ZFP30: variants seen among roughly 807,000 people sequenced by gnomAD.
ZFP30 encodes zinc finger protein 30 homolog.
Under a neutral mutation model 12.3 loss-of-function variants are expected in ZFP30, and 16 were observed. The observed-to-expected ratio is 1.30, with a 90% CI of 0.88 to 1.98. The LOEUF (loss-of-function observed/expected upper bound fraction) is 1.98. Among genes scored for constraint, ZFP30 ranks in the 30% most tolerant of loss-of-function variants. The pLI is 0.00. For synonymous variants in ZFP30, 172 were observed against 201.0 expected, an observed-to-expected ratio of 0.86 and a Z score of 1.22; for missense variants, 560 against 611.2, an observed-to-expected ratio of 0.92 and a Z score of 0.88.
At position 37,647,853 on chromosome 19, in the gene ZFP30, T is replaced by C. The variant is rs1599629206; in HGVS notation, c.-31A>G. The C allele has an allele frequency of 1.9e-6, 3 of 1,613,986 alleles. No homozygotes were observed. Among genetic ancestry groups the C allele is most frequent in the Non-Finnish European group, 2.5e-6 (3 of 1,179,888 alleles). On this transcript the variant is annotated 5_prime_UTR_variant, in exon 3 of 6. Coordinates refer to ENST00000684514, the MANE Select transcript of ZFP30 (RefSeq NM_001320669.3). ...TAGAACTGCTAGAACTGGTCAATTT[T>C]CCTCAAGGTTCATGTACTTCAGAAG...
intron 5 of ZFP30, among the ~76,000 whole-genome samples, chr19:37,636,954 G>A (rs908611631): frequency 3.3e-5 from 5 of 151,622 alleles, no homozygotes; most frequent in East Asian, 2.0e-4. Context: ...CAAGTGATCC[G>A]CCTGCCTCGG....
Position 37,635,805 on chromosome 19 carries a change from CT to C in ZFP30, c.735del (p.Glu246AsnfsTer46). On this transcript the variant is annotated frameshift_variant, in exon 6 of 6. Coordinates refer to ENST00000684514, the MANE Select transcript of ZFP30 (RefSeq NM_001320669.3). LOFTEE classifies it low-confidence loss of function (END_TRUNC). ...CTAACTCTAAAGGCTTTCCCACATT[CT>C]TTACATTCATACGGCTTCTCACCAA... ...IHIGEKPYEC[K>X]ECGKAFRVRG... is the part of the protein sequence containing the mutation. The C allele has an allele frequency of 6.2e-7, 1 of 1,614,194 alleles. No homozygotes were observed. The highest frequency in any genetic ancestry group is 1.3e-5 in the African/African-American group (1 of 75,040).
At position 37,631,393 on chromosome 19, in the gene ZFP30, T is replaced by C. The variant is rs922462548; in HGVS notation, c.*3588A>G. On this transcript the variant is annotated 3_prime_UTR_variant, in exon 6 of 6. Transcript: ENST00000684514. ...TTAACCACAGAATGCTTTCTAAAAA[T>C]ACCATCAAGCACTAGTGTTTCCTGG... 3 of 152,224 alleles carry C rather than the reference T, an allele frequency of 2.0e-5. No homozygotes were observed. The highest frequency in any genetic ancestry group is 7.2e-5 in the African/African-American group (3 of 41,464). The allele number at this position is 152,224 out of a possible 1,614,324, so 9.4% of individuals were successfully genotyped here. A position where few individuals can be genotyped will look rare whatever the true frequency, so the allele number is the denominator to read the frequency against.
At chr19:37,643,747 T>A (rs961377568) in intron 4 of ZFP30, among the ~76,000 whole-genome samples, 14 of 152,240 alleles carry the variant, frequency 9.2e-5, no homozygotes, top group African/African-American at 3.4e-4. Flanking sequence ...AACCATCATA[T>A]ATGTTCATGA....
At position 37,647,879 on chromosome 19, in the gene ZFP30, C is replaced by T; in HGVS notation, c.-57G>A. ...CCTCAAGGTTCATGTACTTCAGAAG[C>T]AGGGTCCACAGACACCAGAGCTGCA... On this transcript the variant is annotated 5_prime_UTR_variant, in exon 3 of 6. Transcript: ENST00000684514. 1 of 1,592,370 alleles carries T rather than the reference C, an allele frequency of 6.3e-7. No homozygotes were observed. The highest frequency in any genetic ancestry group is 1.1e-5 in the South Asian group (1 of 90,624).
rs897535859 is a variant in ZFP30 at position 37,634,537 on chromosome 19, T to C, written c.*444A>G. 5.8e-5 allele frequency: 9 copies of C among 155,056 alleles called. No homozygotes were observed. The highest frequency in any genetic ancestry group is 2.2e-4 in the African/African-American group (9 of 41,570). The allele number at this position is 155,056 out of a possible 1,614,324, so 9.6% of individuals were successfully genotyped here. ...TTTTCTATTATTCTTTCTGCATTCA[T>C]TAGCCTGGAATTTTCTAATAAAGAA... On this transcript the variant is annotated 3_prime_UTR_variant, in exon 6 of 6. Transcript: ENST00000684514.
At chr19:37,642,108 T>C (rs1318598584) in intron 5 of ZFP30, among the ~76,000 whole-genome samples, 3 of 152,266 alleles carry the variant, frequency 2.0e-5, no homozygotes, top group Admixed American at 2.0e-4. Context: ...TGATATTCAA[T>C]ATCTAAATCC....
chr19:37,636,197 T>C lies in ZFP30; in HGVS notation c.344A>G (p.Glu115Gly). 1 of 1,614,160 alleles carries C rather than the reference T, an allele frequency of 6.2e-7. No individual in the cohort carries two copies. The highest frequency in any genetic ancestry group is 8.5e-7 in the Non-Finnish European group (1 of 1,180,028). ...CACCTCATGAGGACTTTCTTGTTCT[T>C]CAAGTCCACAGCTTTTAATTCTTTC... The part of the protein sequence containing the change: ...VMERIKSCGL[E>G]EQESPHEVCF... The change falls in exon 6 of 6, where the codon GAA (glutamate) becomes GGA (glycine). Residue 115 changes from glutamate to glycine, a missense_variant. Transcript: ENST00000684514.
Position 37,635,469 on chromosome 19 carries a change from C to G in ZFP30, c.1072G>C (p.Glu358Gln), listed in dbSNP as rs1413246913. The G allele has an allele frequency of 6.2e-7, 1 of 1,614,156 alleles. No homozygotes were observed. The highest frequency in any genetic ancestry group is 1.7e-5 in the Admixed American group (1 of 60,026). Residue 358 changes from glutamate (E) to glutamine (Q), a missense_variant, in exon 6 of 6, where the codon GAA (glutamate) becomes CAA (glutamine). Coordinates refer to ENST00000684514, the MANE Select transcript of ZFP30 (RefSeq NM_001320669.3). Reference sequence around the variant, plus strand: ...CCACGACTGAAAGTCTTCCCACATTCCTTACAATCATAAGGCTTCTCACCA... The same window carrying G: ...CCACGACTGAAAGTCTTCCCACATTGCTTACAATCATAAGGCTTCTCACCA... The part of the protein sequence containing the change: ...HTGEKPYDCK[E>Q]CGKTFSRGYH...
In ZFP30 at chr19:37,635,040, T is replaced by A. The variant is rs773983695; in HGVS notation, c.1501A>T (p.Lys501Ter). The A allele has an allele frequency of 6.3e-7, 1 of 1,596,144 alleles. No homozygotes were observed. The highest frequency in any genetic ancestry group is 8.5e-7 in the Non-Finnish European group (1 of 1,173,510). The change falls in exon 6 of 6, where the codon AAG (lysine) becomes TAG (stop). Residue 501 changes from lysine (K) to a stop codon, truncating the protein, a stop_gained. Coordinates refer to ENST00000684514, the MANE Select transcript of ZFP30 (RefSeq NM_001320669.3). LOFTEE classifies it high-confidence loss of function. ...EKPYKCKECK[K>*]AFRQHSHLTY... ...AGATGTGAATGTTGTCTAAATGCCTTTTTACATTCCTTACATTTGTATGGT... is the reference window on the plus strand; with the variant it reads ...AGATGTGAATGTTGTCTAAATGCCTATTTACATTCCTTACATTTGTATGGT...
intron 2 of ZFP30, among the ~76,000 whole-genome samples, chr19:37,654,045 A>G (rs1456302664): frequency 6.6e-6 from 1 of 152,220 alleles, no homozygotes; most frequent in African/African-American, 2.4e-5. Context: ...TTAAGGACTC[A>G]CTATGTGCCA....
chr19:37,654,122 C>T (rs1229305603), intron 2 of ZFP30, among the ~76,000 whole-genome samples: 1 of 152,182 alleles, frequency 6.6e-6, no homozygotes, highest in East Asian at 1.9e-4. Flanking sequence ...GTAAAGTATA[C>T]ACTATTACAA....
intron 2 of ZFP30, among the ~76,000 whole-genome samples, chr19:37,653,361 A>G (rs1044851827): frequency 1.3e-5 from 2 of 152,184 alleles, no homozygotes; most frequent in African/African-American, 4.8e-5. Flanking sequence ...CACAGCAGCT[A>G]CTTAATAACT....
intron 2 of ZFP30, among the ~76,000 whole-genome samples, chr19:37,653,213 T>C (rs1447039131): frequency 6.7e-6 from 1 of 149,974 alleles, no homozygotes; most frequent in Non-Finnish European, 1.5e-5. Flanking sequence ...ACTGAAAAAA[T>C]AATTTCTACC....
At chr19:37,654,084 T>C (rs1227496143) in intron 2 of ZFP30, among the ~76,000 whole-genome samples, 1 of 152,228 alleles carries the variant, frequency 6.6e-6, no homozygotes, top group Non-Finnish European at 1.5e-5. Flanking sequence ...TCACAAATAT[T>C]AATTCATGTA....
Position 37,635,529 on chromosome 19 carries a change from G to A in ZFP30, c.1012C>T (p.Arg338Trp), listed in dbSNP as rs149251824. ...CKECGKAFRVRQQLTLHQRIH... is the reference protein window; with the variant it reads ...CKECGKAFRVWQQLTLHQRIH... ...CTCTGATGGAGAGTAAGTTGCTGCC[G>A]CACTCTAAAGGCCTTTCCACACTCC... The change falls in exon 6 of 6, where the codon CGG (arginine) becomes TGG (tryptophan). Residue 338 changes from arginine to tryptophan, a missense_variant. By Grantham distance (101) the Arg-to-Trp change is moderately radical. Coordinates refer to ENST00000684514, the MANE Select transcript of ZFP30 (RefSeq NM_001320669.3). The A allele has an allele frequency of 2.6e-5, 42 of 1,613,840 alleles. No homozygotes were observed. The African/African-American group carries it at 4.9e-4, about 19-fold the overall frequency.
At position 37,644,519 on chromosome 19, in the gene ZFP30, C is replaced by T. The variant is rs145127951; in HGVS notation, c.136+91G>A. 1,530 of 1,377,166 alleles carry T rather than the reference C, an allele frequency of 1.1e-3. 19 individuals are homozygous for T. The African/African-American group carries it at 0.022, about 20-fold the overall frequency. 85.3% of individuals were successfully genotyped at this position (1,377,166 alleles called of 1,614,324 possible). ...ACTGCACTTCAGCCTGGTGACTCAGCGAGACTTCGTCTTTGGAAAAAAACA... is the reference window on the plus strand; with the variant it reads ...ACTGCACTTCAGCCTGGTGACTCAGTGAGACTTCGTCTTTGGAAAAAAACA... On this transcript the variant is annotated intron_variant, in intron 4 of 5. Transcript: ENST00000684514.
chr19:37,653,989 G>A (rs1409018152), intron 2 of ZFP30, among the ~76,000 whole-genome samples: 1 of 152,146 alleles, frequency 6.6e-6, no homozygotes, highest in Non-Finnish European at 1.5e-5. Flanking sequence ...AAAGCTGATA[G>A]GAAATGACTG....
rs1229849258 is a variant in ZFP30, at chr19:37,631,854, C to A, written c.*3127G>T. 2 of 152,058 alleles carry A rather than the reference C, an allele frequency of 1.3e-5. No homozygotes were observed. The highest frequency in any genetic ancestry group is 1.3e-4 in the Admixed American group (2 of 15,268). The allele number at this position is 152,058 out of a possible 1,614,324, so 9.4% of individuals were successfully genotyped here. On this transcript the variant is annotated 3_prime_UTR_variant, in exon 6 of 6. Transcript: ENST00000684514. ...TATTCCACATAAATGATTTTCTATT[C>A]TAAACTGTTGGATATAATTTCCCAT...
Sources: gnomAD v4.1 joint callset for allele counts (sites outside exome capture counted in the v4.1 genomes callset) on GRCh38, gnomAD v4.1.1 for gene constraint, MANE v1.5 for transcripts, NCBI Gene and HGNC (gene_info 2026-07-23, HGNC 2026-07-21) for gene names.